Variants in KDSR observed in about 807,000 individuals in gnomAD.
The protein encoded by KDSR is 3-ketodihydrosphingosine reductase.
A neutral mutation model predicts 41.3 loss-of-function variants in KDSR; 23 were observed. The observed-to-expected ratio is 0.56, with a 90% CI of 0.40 to 0.79. The LOEUF (loss-of-function observed/expected upper bound fraction) is 0.79, where lower values mean the gene tolerates loss of function less well. KDSR is among the 30% of genes least tolerant of loss of function. KDSR has a pLI of 0.00. For synonymous variants in KDSR, 138 were observed against 151.7 expected, an observed-to-expected ratio of 0.91 and a Z score of 0.66; for missense variants, 351 against 416.8, an observed-to-expected ratio of 0.84 and a Z score of 1.37.
At chr18:63,361,167 G>A (rs1446380656) in intron 2 of KDSR, among the ~76,000 whole-genome samples, 3 of 114,730 alleles carry the variant, frequency 2.6e-5, no homozygotes, top group South Asian at 3.1e-4. Flanking sequence ...CCAAGACAGC[G>A]CCACTGCACA....
intron 7 of KDSR, among the ~76,000 whole-genome samples, chr18:63,342,827 C>T (rs1392382268): frequency 2.0e-5 from 3 of 152,118 alleles, no homozygotes; most frequent in South Asian, 2.1e-4. Flanking sequence ...ATCTGTGTCC[C>T]CATGCAAATC....
In KDSR at chr18:63,367,146, G is replaced by A; in HGVS notation, c.-28C>T. The A allele has an allele frequency of 3.3e-6, 4 of 1,221,578 alleles. No homozygotes were observed. The highest frequency in any genetic ancestry group is 4.2e-6 in the Non-Finnish European group (4 of 958,630). The allele number at this position is 1,221,578 out of a possible 1,614,324, so 75.7% of individuals were successfully genotyped here. Reference sequence around the variant, plus strand: ...CTCCGCGGGGCCAGGGGCCCGGAGCGGCCGGGCGGGGGCCGCCGGGCAAGG... The same window carrying A: ...CTCCGCGGGGCCAGGGGCCCGGAGCAGCCGGGCGGGGGCCGCCGGGCAAGG... On this transcript the variant is annotated 5_prime_UTR_variant, in exon 1 of 10. Transcript: ENST00000645214.
chr18:63,361,480 T>C (rs1472525071), intron 2 of KDSR, among the ~76,000 whole-genome samples: 1 of 152,002 alleles, frequency 6.6e-6, no homozygotes, highest in Non-Finnish European at 1.5e-5. Context: ...AAGCTATAAA[T>C]AAAAGGTAGC....
In KDSR at chr18:63,329,703, AT is replaced by A. The variant is rs1377331467; in HGVS notation, c.*2078del. The A allele has an allele frequency of 5.2e-6, 1 of 193,496 alleles. No homozygotes were observed. The highest frequency in any genetic ancestry group is 2.3e-5 in the African/African-American group (1 of 43,088). 12.0% of individuals were successfully genotyped at this position (193,496 alleles called of 1,614,324 possible). Reference sequence around the variant, plus strand: ...GGAGGCAACAGGTTCTATGAGGATAATTTGAAAAAATATATTGAAATAACTA... The same window carrying A: ...GGAGGCAACAGGTTCTATGAGGATAATTGAAAAAATATATTGAAATAACTA... On this transcript the variant is annotated 3_prime_UTR_variant, in exon 10 of 10. Coordinates refer to ENST00000645214, the MANE Select transcript of KDSR (RefSeq NM_002035.4).
At chr18:63,333,267 G>A (rs1914065549) in intron 9 of KDSR, among the ~76,000 whole-genome samples, 1 of 151,968 alleles carries the variant, frequency 6.6e-6, no homozygotes, top group Admixed American at 6.6e-5. Flanking sequence ...ACATTTTTTT[G>A]TAGAGACAGG....
chr18:63,343,896 G>A (rs1405345950), intron 7 of KDSR, among the ~76,000 whole-genome samples: 1 of 152,188 alleles, frequency 6.6e-6, no homozygotes, highest in Non-Finnish European at 1.5e-5. Flanking sequence ...TGCTGGAAAT[G>A]GCTGGGTACA....
intron 7 of KDSR, among the ~76,000 whole-genome samples, chr18:63,340,696 G>A (rs1914319519): frequency 6.6e-6 from 1 of 152,208 alleles, no homozygotes; most frequent in Non-Finnish European, 1.5e-5. Context: ...GCTATGAGAA[G>A]CTTCTGTTAT....
At chr18:63,352,804 G>T (rs1057417275) in intron 5 of KDSR, among the ~76,000 whole-genome samples, 1 of 152,094 alleles carries the variant, frequency 6.6e-6, no homozygotes, top group African/African-American at 2.4e-5. Context: ...AAGTGACTGA[G>T]TTAGGATGCT....
chr18:63,342,178 A>G (rs1914361135), intron 7 of KDSR, among the ~76,000 whole-genome samples: 1 of 151,972 alleles, frequency 6.6e-6, no homozygotes, highest in African/African-American at 2.4e-5. Context: ...CAAAAAAAAA[A>G]AAAAAAAAGG....
intron 8 of KDSR, among the ~76,000 whole-genome samples, chr18:63,337,320 T>C (rs1222815671): frequency 6.6e-6 from 1 of 151,978 alleles, no homozygotes; most frequent in African/African-American, 2.4e-5. Context: ...TTCATCATAT[T>C]GGTCAGGCTG....
chr18:63,342,938 T>TTGATCAC (rs1235029574), intron 7 of KDSR, among the ~76,000 whole-genome samples: 3 of 152,122 alleles, frequency 2.0e-5, no homozygotes, highest in Non-Finnish European at 4.4e-5. Flanking sequence ...TGATACTGAG[T>TTGATCAC]GAGTTCTCAC....
chr18:63,355,183 T>G (rs776549509), intron 5 of KDSR, 21 bp downstream of exon 5: 1 of 1,533,538 alleles, frequency 6.5e-7, no homozygotes, highest in East Asian at 2.2e-5. Flanking sequence ...GCTACTGCAG[T>G]GAGCAAACAT....
chr18:63,339,497 T>A (rs552451599), intron 7 of KDSR, among the ~76,000 whole-genome samples: 3 of 152,248 alleles, frequency 2.0e-5, no homozygotes, highest in Non-Finnish European at 4.4e-5. Flanking sequence ...CTAGATGGGC[T>A]GCATGCTAGT....
At chr18:63,366,606 A>G in intron 1 of KDSR, 1 of 159,608 alleles carries the variant, frequency 6.3e-6, no homozygotes, top group Non-Finnish European at 1.4e-5. Flanking sequence ...CACCCTGCAC[A>G]CCACCGACCG....
chr18:63,361,806 T>C (rs7232410), intron 2 of KDSR, among the ~76,000 whole-genome samples: 44 of 152,186 alleles, frequency 2.9e-4, no homozygotes, highest in African/African-American at 1.0e-3. Context: ...CAGAGTGAGA[T>C]GCTGTCTCAA....
At chr18:63,338,777 C>A (rs547011302) in intron 8 of KDSR, 23 bp downstream of exon 8, 1 of 1,484,414 alleles carries the variant, frequency 6.7e-7, no homozygotes, top group Non-Finnish European at 9.4e-7. Flanking sequence ...ACAAATAGTA[C>A]AGAAAACAAG....
At chr18:63,346,662 T>G (rs1281322336) in intron 6 of KDSR, 2 of 152,174 alleles carry the variant, frequency 1.3e-5, no homozygotes, top group African/African-American at 4.8e-5. Flanking sequence ...GTCCAGTCGC[T>G]TCCTAGATTG....
chr18:63,342,052 C>T (rs1914354648), intron 7 of KDSR, among the ~76,000 whole-genome samples: 1 of 151,554 alleles, frequency 6.6e-6, no homozygotes. Context: ...ACCTGTAATC[C>T]CAGCTACTCA....
intron 6 of KDSR, among the ~76,000 whole-genome samples, chr18:63,349,327 G>A (rs1284810174): frequency 6.6e-6 from 1 of 152,120 alleles, no homozygotes; most frequent in Non-Finnish European, 1.5e-5. Context: ...GGGCTGCAGT[G>A]AGCTATGATT....
Sources: gnomAD v4.1 joint callset for allele counts (sites outside exome capture counted in the v4.1 genomes callset) on GRCh38, gnomAD v4.1.1 for gene constraint, MANE v1.5 for transcripts, NCBI Gene and HGNC (gene_info 2026-07-23, HGNC 2026-07-21) for gene names.